Variants in PTN observed in about 807,000 individuals in gnomAD.
PTN encodes heparin affin regulatory protein.
PTN carries 18 observed loss-of-function variants against 24.1 expected under a neutral mutation model. The observed-to-expected ratio is 0.75, with a 90% CI of 0.52 to 1.11. The LOEUF (loss-of-function observed/expected upper bound fraction) is 1.11, where lower values mean the gene tolerates loss of function less well. Among genes scored for constraint, PTN ranks in the 50% least tolerant of loss-of-function variants. The pLI is 0.00. For missense variants in PTN, 163 were observed against 198.8 expected (o/e 0.82, Z 1.08); for synonymous variants, 78 against 68.6 (o/e 1.14, Z -0.67).
Position 137,228,464 on chromosome 7 carries a change from A to G in PTN, c.452-389T>C, listed in dbSNP as rs1808372251. 5.9e-5 allele frequency among the ~76,000 whole-genome samples: 9 copies of G among 151,810 alleles called. No homozygotes were observed. In the Admixed American group the frequency reaches 5.9e-4, roughly 10 times the overall value. Reference sequence around the variant, plus strand: ...AGTAAATTACCCAGGTCACTGCTCAATGGAAAACTACAAGAGCTCTGCTTA... The same window carrying G: ...AGTAAATTACCCAGGTCACTGCTCAGTGGAAAACTACAAGAGCTCTGCTTA... On this transcript the variant is annotated intron_variant, in intron 4 of 4. Transcript: ENST00000348225.
intron 1 of PTN, among the ~76,000 whole-genome samples, chr7:137,283,951 G>GTTTTTTTTT (rs1228347789): frequency 1.4e-5 from 1 of 70,080 alleles, no homozygotes; most frequent in Non-Finnish European, 2.8e-5. Context: ...ATGAGCATCA[G>GTTTTTTTTT]ATTTTTTTTT....
chr7:137,251,450 T>A, intron 3 of PTN, 59 bp from the exon 4 acceptor site: 4 of 1,546,654 alleles, frequency 2.6e-6, no homozygotes, highest in Non-Finnish European at 3.5e-6. Context: ...ACTTCCAGGA[T>A]AATAAAGGCA....
At chr7:137,255,024 A>G in intron 1 of PTN, 50 bp from the exon 2 acceptor site, 1 of 1,340,330 alleles carries the variant, frequency 7.5e-7, no homozygotes, top group Non-Finnish European at 1.0e-6. Flanking sequence ...CTAAGTCAGA[A>G]AGGAAGATTC....
intron 1 of PTN, among the ~76,000 whole-genome samples, chr7:137,338,546 C>G (rs1198829436): frequency 6.6e-6 from 1 of 152,142 alleles, no homozygotes; most frequent in Non-Finnish European, 1.5e-5. Flanking sequence ...AATGTGATCC[C>G]TTTGTCATTG....
At chr7:137,237,854 C>T (rs1202893939) in intron 4 of PTN, among the ~76,000 whole-genome samples, 1 of 152,124 alleles carries the variant, frequency 6.6e-6, no homozygotes, top group Non-Finnish European at 1.5e-5. Flanking sequence ...TCTTGTACAT[C>T]TAGGTGAAGA....
chr7:137,288,336 G>C (rs10235309), intron 1 of PTN, among the ~76,000 whole-genome samples: 3 of 152,128 alleles, frequency 2.0e-5, no homozygotes, highest in African/African-American at 7.2e-5. Context: ...CCAAACATTT[G>C]CTAAAATAAT....
chr7:137,304,815 T>C (rs564604463), intron 1 of PTN, among the ~76,000 whole-genome samples: 1 of 152,162 alleles, frequency 6.6e-6, no homozygotes, highest in African/African-American at 2.4e-5. Context: ...GCTTGTCTTC[T>C]TTAAGCATCC....
chr7:137,272,789 C>T (rs2128874626), intron 1 of PTN, among the ~76,000 whole-genome samples: 1 of 152,252 alleles, frequency 6.6e-6, no homozygotes, highest in African/African-American at 2.4e-5. Flanking sequence ...TAGAGAATAA[C>T]AAAGCTGTCC....
chr7:137,343,487 G>T lies in PTN; in HGVS notation c.-50C>A, dbSNP rs776123732. 2 of 518,768 alleles carry T rather than the reference G, an allele frequency of 3.9e-6. No individual in the cohort carries two copies. The highest frequency in any genetic ancestry group is 2.8e-5 in the South Asian group (2 of 71,540). 32.1% of individuals were successfully genotyped at this position (518,768 alleles called of 1,614,324 possible). A position where few individuals can be genotyped will look rare whatever the true frequency, so the allele number is the denominator to read the frequency against. ...GGCGCTCAGTCTGCCTTTGTTGCAA[G>T]GGGCGAGGTTGCTACCGCTGAGTCC... On this transcript the variant is annotated 5_prime_UTR_variant, in exon 1 of 5. Coordinates refer to ENST00000348225, the MANE Select transcript of PTN (RefSeq NM_002825.7).
intron 1 of PTN, among the ~76,000 whole-genome samples, chr7:137,283,408 T>C: frequency 6.6e-6 from 1 of 151,788 alleles, no homozygotes; most frequent in East Asian, 1.9e-4. Flanking sequence ...GCTGAGCTCA[T>C]TGACTAAAAA....
At chr7:137,293,035 T>C (rs1809665398) in intron 1 of PTN, among the ~76,000 whole-genome samples, 1 of 152,212 alleles carries the variant, frequency 6.6e-6, no homozygotes, top group South Asian at 2.1e-4. Flanking sequence ...CCCACATGCA[T>C]ATTCATTCAT....
intron 4 of PTN, among the ~76,000 whole-genome samples, chr7:137,237,216 C>G (rs1264068987): frequency 6.6e-6 from 1 of 151,974 alleles, no homozygotes; most frequent in East Asian, 1.9e-4. Flanking sequence ...GGTGCATTTA[C>G]AAGAAGAGGA....
intron 1 of PTN, among the ~76,000 whole-genome samples, chr7:137,268,932 G>T (rs1240145349): frequency 6.6e-6 from 1 of 151,930 alleles, no homozygotes; most frequent in South Asian, 2.1e-4. Context: ...ATTTTATATT[G>T]TTTTCTTAGT....
chr7:137,281,288 A>T (rs1434989773), intron 1 of PTN, among the ~76,000 whole-genome samples: 1 of 152,176 alleles, frequency 6.6e-6, no homozygotes, highest in African/African-American at 2.4e-5. Flanking sequence ...ATCCTATGTG[A>T]TTCTTTCAGA....
At chr7:137,323,158 T>C (rs889874985) in intron 1 of PTN, among the ~76,000 whole-genome samples, 2 of 152,180 alleles carry the variant, frequency 1.3e-5, no homozygotes, top group Admixed American at 6.5e-5. Context: ...GAATTTATCA[T>C]TGTGAGACAG....
intron 1 of PTN, among the ~76,000 whole-genome samples, chr7:137,268,826 G>A (rs1809212306): frequency 6.6e-6 from 1 of 152,300 alleles, no homozygotes; most frequent in South Asian, 2.1e-4. Flanking sequence ...AACAATATGA[G>A]AGGGTCTCTC....
chr7:137,266,832 T>C (rs1168426539), intron 1 of PTN, among the ~76,000 whole-genome samples: 1 of 151,768 alleles, frequency 6.6e-6, no homozygotes, highest in Non-Finnish European at 1.5e-5. Context: ...TAAGAGCCTG[T>C]TTAGTCTAAA....
rs907547242 is a variant in PTN at position 137,227,947 on chromosome 7, C to T, written c.*73G>A. 9.2e-5 allele frequency: 144 copies of T among 1,561,754 alleles called. No individual in the cohort carries two copies. In the East Asian group the frequency reaches 2.1e-3, roughly 23 times the overall value. ...AGATAATTTTTGAATACAAAGCCTA[C>T]GGTACATATAAATGCAATAGTTAAC... is the stretch of plus-strand genomic sequence containing the variant. On this transcript the variant is annotated 3_prime_UTR_variant, in exon 5 of 5. Coordinates refer to ENST00000348225, the MANE Select transcript of PTN (RefSeq NM_002825.7).
chr7:137,227,722 A>G lies in PTN; in HGVS notation c.*298T>C, dbSNP rs1808357317. Reference sequence around the variant, plus strand: ...AATTGCTGCCCAAAAAATGTAAAAAAAATTTAATGTAAAATGTCACATAAT... The same window carrying G: ...AATTGCTGCCCAAAAAATGTAAAAAGAATTTAATGTAAAATGTCACATAAT... On this transcript the variant is annotated 3_prime_UTR_variant, in exon 5 of 5. Transcript: ENST00000348225. 4.3e-6 allele frequency: 1 copy of G among 235,078 alleles called. No homozygotes were observed. The highest frequency in any genetic ancestry group is 2.2e-5 in the African/African-American group (1 of 44,558). 14.6% of individuals were successfully genotyped at this position (235,078 alleles called of 1,614,324 possible). A position where few individuals can be genotyped will look rare whatever the true frequency, so the allele number is the denominator to read the frequency against.
Sources: allele counts gnomAD v4.1 joint callset (sites outside exome capture counted in the v4.1 genomes callset), GRCh38; gene constraint gnomAD v4.1.1; transcripts MANE v1.5; gene names NCBI Gene and HGNC (gene_info 2026-07-23, HGNC 2026-07-21).